The following MAP4K4 variants were observed in gnomAD, a reference collection of about 807,000 sequenced individuals.
MAP4K4 encodes the protein mitogen-activated protein kinase kinase kinase kinase 4.
Under a neutral mutation model 189.6 loss-of-function variants are expected in MAP4K4, and 38 were observed. The ratio of observed to expected loss-of-function variants is 0.20; its 90% CI spans 0.15 to 0.26. The LOEUF (loss-of-function observed/expected upper bound fraction) is 0.26. Ranked by LOEUF, MAP4K4 falls within the 10% of genes least tolerant of loss-of-function variation. The pLI is 1.00. For synonymous variants in MAP4K4, 610 were observed against 624.3 expected (o/e 0.98, Z 0.34); for missense variants, 1,054 against 1,726.9 (o/e 0.61, Z 6.91).
chr2:101,871,282 G>A (rs531445867), intron 23 of MAP4K4, among the ~76,000 whole-genome samples: 94 of 152,316 alleles, frequency 6.2e-4, no homozygotes, highest in African/African-American at 2.2e-3. Flanking sequence ...TGCTCGAGCC[G>A]TGCAGCCACC....
Position 101,876,932 on chromosome 2 carries a change from T to C in MAP4K4, c.3242-71T>C, listed in dbSNP as rs1262979481. 14 of 1,498,032 alleles carry C rather than the reference T, an allele frequency of 9.3e-6. No individual in the cohort carries two copies. In the Admixed American group the frequency reaches 1.2e-4, roughly 12 times the overall value. 92.8% of individuals were successfully genotyped at this position (1,498,032 alleles called of 1,614,324 possible). A position where few individuals can be genotyped will look rare whatever the true frequency, so the allele number is the denominator to read the frequency against. On this transcript the variant is annotated intron_variant, in intron 26 of 32. Transcript: ENST00000324219. ...ACTTTTTTCCAAATAGATGATGTTA[T>C]CCTTTCTATACAACCTGGGGATTTG... is the stretch of plus-strand genomic sequence containing the variant.
intron 2 of MAP4K4, among the ~76,000 whole-genome samples, chr2:101,758,882 C>G (rs546016501): frequency 2.0e-5 from 3 of 152,078 alleles, no homozygotes; most frequent in Non-Finnish European, 4.4e-5. Context: ...GCCTGTAATC[C>G]CAGCACTTTG....
At chr2:101,774,441 T>C (rs191804875) in intron 2 of MAP4K4, among the ~76,000 whole-genome samples, 145 of 152,338 alleles carry the variant, frequency 9.5e-4, no homozygotes, top group African/African-American at 3.4e-3. Flanking sequence ...GTTTGAGCTC[T>C]GTACATATTT....
chr2:101,803,511 C>T (rs1395850123), intron 3 of MAP4K4, among the ~76,000 whole-genome samples: 1 of 152,174 alleles, frequency 6.6e-6, no homozygotes, highest in Non-Finnish European at 1.5e-5. Flanking sequence ...GCACCCCTGC[C>T]CTTTTTTTTG....
At chr2:101,876,893 A>G in intron 26 of MAP4K4, 110 bp from the exon 27 acceptor site, 1 of 1,087,902 alleles carries the variant, frequency 9.2e-7, no homozygotes, top group Admixed American at 2.6e-5. Context: ...TTCTGGGTGA[A>G]TTAAGGAAGC....
chr2:101,888,871 T>G (rs1166592141), exon 32 of MAP4K4: 2 of 1,613,648 alleles, frequency 1.2e-6, no homozygotes, highest in South Asian at 1.1e-5. Flanking sequence ...ACTGGTCACT[T>G]GGATGGTGTG....
intron 2 of MAP4K4, among the ~76,000 whole-genome samples, chr2:101,729,628 G>C (rs555360023): frequency 6.6e-6 from 1 of 152,266 alleles, no homozygotes; most frequent in South Asian, 2.1e-4. Context: ...CTACATTGCC[G>C]ACTGTTACCT....
At chr2:101,836,609 A>C (rs1425976676) in intron 9 of MAP4K4, among the ~76,000 whole-genome samples, 2 of 152,178 alleles carry the variant, frequency 1.3e-5, no homozygotes, top group Non-Finnish European at 2.9e-5. Flanking sequence ...AGAACGAAAG[A>C]AAGCTGTGTT....
chr2:101,742,840 C>T (rs2063465690), intron 2 of MAP4K4, among the ~76,000 whole-genome samples: 3 of 152,110 alleles, frequency 2.0e-5, no homozygotes, highest in Admixed American at 2.0e-4. Context: ...AATAGAGTAG[C>T]AATAACTAGC....
exon 33 of MAP4K4, chr2:101,894,203 A>G (rs1057493442): frequency 1.3e-5 from 2 of 152,808 alleles, no homozygotes; most frequent in African/African-American, 4.8e-5. Context: ...ACCATTACAT[A>G]AGGAACATTG....
intron 2 of MAP4K4, among the ~76,000 whole-genome samples, chr2:101,744,409 A>C (rs963049388): frequency 6.6e-6 from 1 of 152,220 alleles, no homozygotes; most frequent in Admixed American, 6.5e-5. Flanking sequence ...CACTAGCCAC[A>C]TGTGGCTTAA....
At chr2:101,728,694 T>C (rs1043583918) in intron 2 of MAP4K4, among the ~76,000 whole-genome samples, 8 of 152,144 alleles carry the variant, frequency 5.3e-5, no homozygotes, top group Non-Finnish European at 1.0e-4. Flanking sequence ...AATTTTTGTA[T>C]TTTTAGTGCA....
chr2:101,882,884 C>T (rs140457016), intron 28 of MAP4K4, among the ~76,000 whole-genome samples, 199 bp downstream of exon 28: 190 of 152,324 alleles, frequency 1.2e-3, no homozygotes, highest in Admixed American at 3.2e-3. Context: ...CTTACTCCCT[C>T]TGTGCACCTA....
chr2:101,853,532 G>A (rs961585658), intron 12 of MAP4K4, among the ~76,000 whole-genome samples: 1 of 152,102 alleles, frequency 6.6e-6, no homozygotes, highest in African/African-American at 2.4e-5. Context: ...ATCAATCCAG[G>A]ATGTCCAACT....
At chr2:101,776,296 A>G (rs1405567216) in intron 2 of MAP4K4, among the ~76,000 whole-genome samples, 1 of 152,140 alleles carries the variant, frequency 6.6e-6, no homozygotes. Flanking sequence ...TGGAAGAGCC[A>G]TTGCTGTTCT....
At chr2:101,799,999 ATTATCTCAGCCC>A (rs2094204688) in intron 3 of MAP4K4, among the ~76,000 whole-genome samples, 2 of 151,958 alleles carry the variant, frequency 1.3e-5, no homozygotes, top group Non-Finnish European at 2.9e-5. Context: ...CTCTTGTAGG[ATTATCTCAGCCC>A]TTCTAGGTTC....
intron 10 of MAP4K4, among the ~76,000 whole-genome samples, chr2:101,840,202 T>C (rs1010666346): frequency 6.6e-6 from 1 of 152,142 alleles, no homozygotes. Context: ...TCACCAAGCT[T>C]ACAGCAAATA....
At chr2:101,861,734 G>A (rs928485677) in intron 16 of MAP4K4, 4 of 152,204 alleles carry the variant, frequency 2.6e-5, no homozygotes, top group African/African-American at 9.7e-5. Context: ...AGATCTTAGA[G>A]ATCCTTAAAA....
chr2:101,795,699 T>C (rs1351155668), intron 3 of MAP4K4, among the ~76,000 whole-genome samples: 1 of 152,214 alleles, frequency 6.6e-6, no homozygotes, highest in Non-Finnish European at 1.5e-5. Flanking sequence ...TGCTCATTGC[T>C]ACTGAGGTAT....
Sources: allele counts gnomAD v4.1 joint callset (sites outside exome capture counted in the v4.1 genomes callset), GRCh38; gene constraint gnomAD v4.1.1; transcripts MANE v1.5; gene names NCBI Gene and HGNC (gene_info 2026-07-23, HGNC 2026-07-21).